Variants in TSPAN5 observed in about 807,000 individuals in gnomAD.
TSPAN5 encodes tetraspanin 5, also known as tetraspanin-5.
In TSPAN5, 10 loss-of-function variants were observed where a neutral mutation model predicts 37.1. The observed-to-expected ratio is 0.27, with a 90% CI of 0.17 to 0.46. The LOEUF is 0.46. Among genes scored for constraint, TSPAN5 ranks in the 20% least tolerant of loss-of-function variants. The pLI, the probability that TSPAN5 is intolerant of heterozygous loss-of-function variation, is 1.00. For synonymous variants in TSPAN5, 110 were observed against 118.9 expected, an observed-to-expected ratio of 0.93 and a Z score of 0.48; for missense variants, 195 against 326.6, an observed-to-expected ratio of 0.60 and a Z score of 3.11.
chr4:98,535,576 T>C (rs6847124), intron 1 of TSPAN5, among the ~76,000 whole-genome samples: 118,482 of 152,122 alleles, frequency 0.78, 46,931 homozygotes, highest in African/African-American at 0.93. Context: ...TGAATGTTGG[T>C]CTGTCTTGCT....
intron 1 of TSPAN5, among the ~76,000 whole-genome samples, chr4:98,518,807 G>T (rs116657070): frequency 5.3e-5 from 8 of 152,218 alleles, no homozygotes; most frequent in African/African-American, 1.9e-4. Context: ...GGCCCAGCAA[G>T]TTCTGTCTTC....
Position 98,476,276 on chromosome 4 carries a change from C to T in TSPAN5, c.654G>A (p.Thr218=), listed in dbSNP as rs61750847. The T allele has an allele frequency of 6.2e-4, 999 of 1,614,198 alleles. No homozygotes were observed. The highest frequency in any genetic ancestry group is 8.2e-4 in the Non-Finnish European group (966 of 1,180,024). Residue 218 remains threonine (T), a synonymous_variant, in exon 7 of 8, where the codon ACG becomes ACA. Transcript: ENST00000305798. ...TCTCAAACTGGGGCACACAGCCTTTCGTGTAGATTACAATCTGCTGGTCAA... is the reference window on the plus strand; with the variant it reads ...TCTCAAACTGGGGCACACAGCCTTTTGTGTAGATTACAATCTGCTGGTCAA... ...PEVDQQIVIY[T]KGCVPQFEKW...
At chr4:98,519,962 G>A (rs376307862) in intron 1 of TSPAN5, among the ~76,000 whole-genome samples, 27 of 152,306 alleles carry the variant, frequency 1.8e-4, no homozygotes, top group African/African-American at 5.8e-4. Context: ...ATGAGATAAC[G>A]CATGTGCTCA....
intron 1 of TSPAN5, among the ~76,000 whole-genome samples, chr4:98,655,028 G>A (rs907717236): frequency 2.6e-5 from 4 of 152,126 alleles, no homozygotes; most frequent in Non-Finnish European, 5.9e-5. Flanking sequence ...TTGTATTTCA[G>A]TAGGGACAGA....
chr4:98,589,790 A>C (rs115485364), intron 1 of TSPAN5, among the ~76,000 whole-genome samples: 512 of 152,282 alleles, frequency 3.4e-3, no homozygotes, highest in Middle Eastern at 0.017. Flanking sequence ...AAAATGTTGG[A>C]GCAAAATAAA....
chr4:98,527,516 G>T (rs1392497220), intron 1 of TSPAN5, among the ~76,000 whole-genome samples: 15 of 152,136 alleles, frequency 9.9e-5, no homozygotes, highest in Admixed American at 9.8e-4. Context: ...ACTTCATTCT[G>T]CAGCCATGAA....
chr4:98,502,014 A>G (rs1389195185), intron 2 of TSPAN5, among the ~76,000 whole-genome samples: 3 of 152,218 alleles, frequency 2.0e-5, no homozygotes, highest in Non-Finnish European at 4.4e-5. Flanking sequence ...CGGATTTTCA[A>G]TATAGTTTCA....
chr4:98,602,274 T>C lies in TSPAN5; in HGVS notation c.81+55872A>G, dbSNP rs371001075. ...AAACCCAAAAACCAAAAACATAATA[T>C]ATGTGAAGAGCAATAAAGTGAAGCA... On this transcript the variant is annotated intron_variant, in intron 1 of 7. Transcript: ENST00000305798. Among the ~76,000 whole-genome samples, 162 of 152,166 alleles carry C rather than the reference T, an allele frequency of 1.1e-3. 1 individual carries two copies. The highest frequency in any genetic ancestry group is 6.8e-3 in the Middle Eastern group (2 of 294).
intron 1 of TSPAN5, among the ~76,000 whole-genome samples, chr4:98,646,677 C>G (rs1246561479): frequency 6.6e-6 from 1 of 152,188 alleles, no homozygotes; most frequent in Non-Finnish European, 1.5e-5. Context: ...GAAAAGAACA[C>G]TGTGAACATT....
chr4:98,622,146 C>G (rs943942259), intron 1 of TSPAN5, among the ~76,000 whole-genome samples: 1 of 152,200 alleles, frequency 6.6e-6, no homozygotes, highest in Admixed American at 6.5e-5. Context: ...GTGGCACGAT[C>G]TTGGCTCACT....
chr4:98,555,302 T>C (rs560311238), intron 1 of TSPAN5, among the ~76,000 whole-genome samples: 1 of 152,306 alleles, frequency 6.6e-6, no homozygotes, highest in Admixed American at 6.5e-5. Flanking sequence ...TACTTTCTAT[T>C]CCTTGACTAT....
At chr4:98,555,974 CGCGCACACACACGTGCGT>C (rs1328499110) in intron 1 of TSPAN5, among the ~76,000 whole-genome samples, 40 of 123,338 alleles carry the variant, frequency 3.2e-4, no homozygotes, top group Admixed American at 1.8e-3. Flanking sequence ...CACACACGCG[CGCGCACACACACGTGCGT>C]GCGCACACAC....
At chr4:98,619,572 T>C (rs1347734041) in intron 1 of TSPAN5, among the ~76,000 whole-genome samples, 1 of 152,198 alleles carries the variant, frequency 6.6e-6, no homozygotes, top group African/African-American at 2.4e-5. Flanking sequence ...CTGGCAATAC[T>C]GTAGTGAGCA....
intron 1 of TSPAN5, 37 bp from the exon 2 acceptor site, chr4:98,507,765 A>T (rs768178368): frequency 1.4e-6 from 2 of 1,458,452 alleles, no homozygotes; most frequent in Non-Finnish European, 1.9e-6. Flanking sequence ...TATAAGGGAA[A>T]ATGCCGCTAA....
rs766494512 is a variant in TSPAN5 at position 98,485,762 on chromosome 4, C to CTTTTTTTTTTTTTTT, written c.279+961_279+975dup. Among the ~76,000 whole-genome samples, 18 of 86,596 alleles carry CTTTTTTTTTTTTTTT rather than the reference C, an allele frequency of 2.1e-4. 1 individual carries two copies. The highest frequency in any genetic ancestry group is 8.1e-4 in the African/African-American group (18 of 22,218). The allele number at this position is 86,596 out of a possible 152,430, so 56.8% of individuals were successfully genotyped here. On this transcript the variant is annotated intron_variant, in intron 3 of 7. Coordinates refer to ENST00000305798, the MANE Select transcript of TSPAN5 (RefSeq NM_005723.4). ...ACTATTGGGCTACTTCTTGGATATGCTTTTTTTTTTTTTTTTTTTTTTTAA... is the reference window on the plus strand; with the variant it reads ...ACTATTGGGCTACTTCTTGGATATGCTTTTTTTTTTTTTTTTTTTTTTTTTTTTTTTTTTTTTTAA...
intron 1 of TSPAN5, among the ~76,000 whole-genome samples, chr4:98,578,653 C>T (rs1007248961): frequency 6.6e-6 from 1 of 152,112 alleles, no homozygotes; most frequent in Non-Finnish European, 1.5e-5. Context: ...CTCCTGACCT[C>T]GAGTGATCTG....
intron 1 of TSPAN5, among the ~76,000 whole-genome samples, chr4:98,582,315 G>A (rs751925346): frequency 6.6e-6 from 1 of 152,142 alleles, no homozygotes; most frequent in Non-Finnish European, 1.5e-5. Flanking sequence ...TGGAGCTGAC[G>A]GCACAACAGG....
chr4:98,512,737 T>G (rs772812780), intron 1 of TSPAN5, among the ~76,000 whole-genome samples: 1 of 152,220 alleles, frequency 6.6e-6, no homozygotes, highest in Non-Finnish European at 1.5e-5. Context: ...AAATGGATAC[T>G]TCAAGAGGCC....
chr4:98,491,460 C>G (rs1191147815), intron 2 of TSPAN5, among the ~76,000 whole-genome samples: 1 of 152,036 alleles, frequency 6.6e-6, no homozygotes, highest in East Asian at 1.9e-4. Flanking sequence ...GAGGCCAAGG[C>G]GGACAGATCA....
Sources: gnomAD v4.1 joint callset for allele counts (sites outside exome capture counted in the v4.1 genomes callset) on GRCh38, gnomAD v4.1.1 for gene constraint, MANE v1.5 for transcripts, NCBI Gene and HGNC (gene_info 2026-07-23, HGNC 2026-07-21) for gene names.